The following PTPN14 variants were observed in gnomAD, a reference collection of about 807,000 sequenced individuals.
PTPN14 encodes the protein tyrosine-protein phosphatase non-receptor type 14.
In PTPN14, 53 loss-of-function variants were observed where a neutral mutation model predicts 126.8. That is an observed-to-expected ratio of 0.42 (90% CI 0.34 to 0.53). The LOEUF is 0.53. PTPN14 is among the 20% of genes least tolerant of loss of function. PTPN14 has a pLI of 0.08. For synonymous variants in PTPN14, 630 were observed against 599.3 expected, an observed-to-expected ratio of 1.05 and a Z score of -0.75; for missense variants, 1,257 against 1,552.9, an observed-to-expected ratio of 0.81 and a Z score of 3.20.
chr1:214,547,326 C>T (rs1655997602), intron 1 of PTPN14, among the ~76,000 whole-genome samples: 1 of 152,194 alleles, frequency 6.6e-6, no homozygotes, highest in South Asian at 2.1e-4. Context: ...GCCCTGCACG[C>T]AATCCTGCAG....
intron 1 of PTPN14, among the ~76,000 whole-genome samples, chr1:214,514,661 T>C (rs1310560712): frequency 1.3e-5 from 2 of 152,074 alleles, no homozygotes; most frequent in Admixed American, 6.6e-5. Context: ...GCAGTCCCCA[T>C]ACTACTGAAA....
At position 214,355,175 on chromosome 1, in the gene PTPN14, T is replaced by C. The variant is rs1167081107; in HGVS notation, c.*2747A>G. 1 of 152,244 alleles carries C rather than the reference T, an allele frequency of 6.6e-6. No homozygotes were observed. The highest frequency in any genetic ancestry group is 1.5e-5 in the Non-Finnish European group (1 of 68,036). The allele number at this position is 152,244 out of a possible 1,614,324, so 9.4% of individuals were successfully genotyped here. On this transcript the variant is annotated 3_prime_UTR_variant, in exon 19 of 19. Transcript: ENST00000366956. ...CTAGAAAGTTGAATATTAAACCTAC[T>C]TCCTCCCTGCATTTTGTACACTAAT...
intron 5 of PTPN14, among the ~76,000 whole-genome samples, chr1:214,409,927 G>A (rs983346849): frequency 3.3e-5 from 5 of 149,452 alleles, no homozygotes; most frequent in East Asian, 1.9e-4. Context: ...TTTTTCATAT[G>A]TCTGTTGGCC....
At chr1:214,409,808 A>C (rs1659260444) in intron 5 of PTPN14, among the ~76,000 whole-genome samples, 1 of 152,128 alleles carries the variant, frequency 6.6e-6, no homozygotes, top group Admixed American at 6.5e-5. Context: ...CATACTCAAT[A>C]ACACTTGTTA....
chr1:214,549,877 C>T (rs4072933), intron 1 of PTPN14, among the ~76,000 whole-genome samples: 4,069 of 152,218 alleles, frequency 0.027, 69 homozygotes, highest in Non-Finnish European at 0.041. Context: ...AGATTTATTT[C>T]TGATATTGGG....
intron 5 of PTPN14, among the ~76,000 whole-genome samples, chr1:214,405,597 C>T (rs141287364): frequency 4.8e-5 from 7 of 146,508 alleles, no homozygotes; most frequent in African/African-American, 1.8e-4. Context: ...TGTCTGCTCA[C>T]ATAACAAAAT....
At chr1:214,503,373 A>T (rs1277116976) in intron 1 of PTPN14, among the ~76,000 whole-genome samples, 1 of 152,220 alleles carries the variant, frequency 6.6e-6, no homozygotes, top group East Asian at 1.9e-4. Context: ...ACAGCTCAGT[A>T]ATCAGAAGGA....
chr1:214,450,679 G>A (rs1004951790), intron 3 of PTPN14, among the ~76,000 whole-genome samples: 1 of 152,006 alleles, frequency 6.6e-6, no homozygotes, highest in Non-Finnish European at 1.5e-5. Context: ...CCGGGTAAAA[G>A]GCAAAAAGTA....
At chr1:214,546,627 C>T (rs1036934446) in intron 1 of PTPN14, among the ~76,000 whole-genome samples, 2 of 152,158 alleles carry the variant, frequency 1.3e-5, no homozygotes, top group African/African-American at 4.8e-5. Flanking sequence ...AGAGACGATG[C>T]TACATCACCA....
At chr1:214,530,601 C>T (rs1655520826) in intron 1 of PTPN14, 1 of 152,156 alleles carries the variant, frequency 6.6e-6, no homozygotes. Context: ...ACTGACCTCC[C>T]TAAGTGCTGG....
At chr1:214,524,384 G>T (rs1655338145) in intron 1 of PTPN14, among the ~76,000 whole-genome samples, 1 of 151,920 alleles carries the variant, frequency 6.6e-6, no homozygotes, top group Non-Finnish European at 1.5e-5. Flanking sequence ...GGGCGTGGTG[G>T]CTCATGCCTG....
chr1:214,349,400 G>A lies in PTPN14; in HGVS notation c.*8522C>T, dbSNP rs116070588. 2.2e-4 allele frequency: 34 copies of A among 152,324 alleles called. No individual in the cohort carries two copies. Among genetic ancestry groups the A allele is most frequent in the African/African-American group, 8.2e-4 (34 of 41,576 alleles). 9.4% of individuals were successfully genotyped at this position (152,324 alleles called of 1,614,324 possible). The stretch of plus-strand genomic sequence containing the variant: ...ACCTTAAGAACAAACCGGTTTCTAA[G>A]TTGGGGACTTGTCTGTACATCGTTT... On this transcript the variant is annotated 3_prime_UTR_variant, in exon 19 of 19. Coordinates refer to ENST00000366956, the MANE Select transcript of PTPN14 (RefSeq NM_005401.5).
At chr1:214,432,640 G>C (rs1659820832) in intron 3 of PTPN14, among the ~76,000 whole-genome samples, 3 of 152,104 alleles carry the variant, frequency 2.0e-5, no homozygotes, top group Admixed American at 2.0e-4. Flanking sequence ...GAAAATGAAT[G>C]ATCTCTATAC....
intron 12 of PTPN14, among the ~76,000 whole-genome samples, chr1:214,386,478 A>T (rs560509030): frequency 6.6e-6 from 1 of 152,364 alleles, no homozygotes; most frequent in South Asian, 2.1e-4. Context: ...CCCGTGTTCT[A>T]CGTCACCATG....
At chr1:214,422,573 T>G (rs532678665) in intron 3 of PTPN14, among the ~76,000 whole-genome samples, 2 of 152,180 alleles carry the variant, frequency 1.3e-5, no homozygotes. Context: ...GGAACTCAAA[T>G]TATATCTGGA....
In PTPN14 at chr1:214,456,470, G is replaced by A. The variant is rs1459995977; in HGVS notation, c.175-4496C>T. Among the ~76,000 whole-genome samples, 12 of 152,268 alleles carry A rather than the reference G, an allele frequency of 7.9e-5. No homozygotes were observed. The East Asian group carries it at 1.7e-3, about 22-fold the overall frequency. On this transcript the variant is annotated intron_variant, in intron 2 of 18. Coordinates refer to ENST00000366956, the MANE Select transcript of PTPN14 (RefSeq NM_005401.5). ...AGCCACTGTACATCAGTTGGATAAC[G>A]GTAGAAAAGAACTTGTGTGTAATCA...
intron 2 of PTPN14, among the ~76,000 whole-genome samples, chr1:214,458,028 T>G (rs1481644488): frequency 0.018 from 1,663 of 91,722 alleles, 31 homozygotes; most frequent in African/African-American, 0.065. Flanking sequence ...TCTATATCTA[T>G]ATCTATACCT....
chr1:214,419,831 G>A (rs1358449285), intron 3 of PTPN14, among the ~76,000 whole-genome samples: 1 of 152,142 alleles, frequency 6.6e-6, no homozygotes, highest in Non-Finnish European at 1.5e-5. Flanking sequence ...GGTGTTCACA[G>A]CTGTAAATCC....
chr1:214,494,674 A>T (rs569861888), intron 1 of PTPN14, among the ~76,000 whole-genome samples: 18 of 152,334 alleles, frequency 1.2e-4, no homozygotes, highest in African/African-American at 4.1e-4. Context: ...GAAGCTTTAC[A>T]TGAACAAAGC....
Sources: gnomAD v4.1 joint callset for allele counts (sites outside exome capture counted in the v4.1 genomes callset) on GRCh38, gnomAD v4.1.1 for gene constraint, MANE v1.5 for transcripts, NCBI Gene and HGNC (gene_info 2026-07-23, HGNC 2026-07-21) for gene names.